DOCK3: variants seen among roughly 807,000 people sequenced by gnomAD.
DOCK3 encodes dedicator of cytokinesis protein 3.
A neutral mutation model predicts 265.6 loss-of-function variants in DOCK3; 60 were observed. That is an observed-to-expected ratio of 0.23 (90% CI 0.18 to 0.28). The LOEUF (loss-of-function observed/expected upper bound fraction) is 0.28. Ranked by LOEUF, DOCK3 falls within the 10% of genes least tolerant of loss-of-function variation. The pLI, the probability that DOCK3 is intolerant of heterozygous loss-of-function variation, is 1.00. For missense variants in DOCK3, 1,981 were observed against 2,594.3 expected (o/e 0.76, Z 5.14); for synonymous variants, 881 against 938.0 (o/e 0.94, Z 1.11).
At position 50,800,267 on chromosome 3, in the gene DOCK3, A is replaced by G. The variant is rs114930973; in HGVS notation, c.121+21509A>G. Among the ~76,000 whole-genome samples the G allele has an allele frequency of 5.6e-3, 848 of 152,312 alleles. 8 individuals are homozygous for G. Among genetic ancestry groups the G allele is most frequent in the South Asian group, 0.036 (176 of 4,832 alleles). ...TTGAAGTAGTTTGAGAAGACTTGGT[A>G]TTAATTCTTCTTTAAAAGAATGATA... On this transcript the variant is annotated intron_variant, in intron 2 of 52. Coordinates refer to ENST00000266037, the MANE Select transcript of DOCK3 (RefSeq NM_004947.5).
chr3:50,790,963 T>C (rs944346286), intron 2 of DOCK3, among the ~76,000 whole-genome samples: 3 of 152,180 alleles, frequency 2.0e-5, no homozygotes, highest in Non-Finnish European at 4.4e-5. Context: ...TAATGTTTTT[T>C]TTTGTTGTTG....
At chr3:51,290,747 A>G (rs2081702481) in intron 27 of DOCK3, among the ~76,000 whole-genome samples, 1 of 152,170 alleles carries the variant, frequency 6.6e-6, no homozygotes, top group South Asian at 2.1e-4. Context: ...GGGTAGCTAT[A>G]CTATTTCAGA....
intron 5 of DOCK3, among the ~76,000 whole-genome samples, chr3:51,036,561 T>A (rs573988418): frequency 6.6e-6 from 1 of 152,200 alleles, no homozygotes; most frequent in South Asian, 2.1e-4. Context: ...AGGTTTAATA[T>A]GTCTTAAAGA....
chr3:50,977,703 T>C (rs1268306009), intron 5 of DOCK3, among the ~76,000 whole-genome samples: 3 of 152,212 alleles, frequency 2.0e-5, no homozygotes, highest in Admixed American at 6.5e-5. Flanking sequence ...CTTGCTAGAT[T>C]GGGGAAGTTC....
intron 9 of DOCK3, among the ~76,000 whole-genome samples, chr3:51,129,956 A>C (rs547096892): frequency 1.3e-5 from 2 of 152,272 alleles, no homozygotes; most frequent in African/African-American, 4.8e-5. Flanking sequence ...AACACACCCA[A>C]ATGAGGAATA....
At chr3:50,991,658 A>G (rs2078109147) in intron 5 of DOCK3, among the ~76,000 whole-genome samples, 1 of 152,212 alleles carries the variant, frequency 6.6e-6, no homozygotes, top group Non-Finnish European at 1.5e-5. Context: ...TCAACACTCC[A>G]CTGACAGTAT....
chr3:51,093,154 C>T (rs1016137408), intron 9 of DOCK3, among the ~76,000 whole-genome samples: 2 of 152,138 alleles, frequency 1.3e-5, no homozygotes, highest in Non-Finnish European at 2.9e-5. Context: ...ATTGTCTTGG[C>T]TATGCAGGCT....
intron 3 of DOCK3, among the ~76,000 whole-genome samples, chr3:50,888,643 G>C (rs1010976886): frequency 1.4e-4 from 21 of 152,266 alleles, no homozygotes; most frequent in Non-Finnish European, 2.5e-4. Flanking sequence ...AAACAGCATG[G>C]TACTGGTACC....
At chr3:50,981,803 C>CT (rs1273335337) in intron 5 of DOCK3, among the ~76,000 whole-genome samples, 9 of 152,098 alleles carry the variant, frequency 5.9e-5, no homozygotes, top group Non-Finnish European at 1.0e-4. Flanking sequence ...CATGAAGTAT[C>CT]TTTTTTCATC....
chr3:51,281,652 C>T (rs1431936631), intron 27 of DOCK3, among the ~76,000 whole-genome samples: 1 of 152,100 alleles, frequency 6.6e-6, no homozygotes, highest in African/African-American at 2.4e-5. Context: ...TGGAGACTCT[C>T]CTCCTACAGA....
chr3:51,321,046 T>C (rs910466898), intron 32 of DOCK3, among the ~76,000 whole-genome samples: 4 of 152,158 alleles, frequency 2.6e-5, no homozygotes, highest in Non-Finnish European at 5.9e-5. Context: ...CATCTCTCAG[T>C]AGGGGCCAAC....
At chr3:51,261,297 T>C (rs1560305672) in intron 23 of DOCK3, among the ~76,000 whole-genome samples, 1 of 151,958 alleles carries the variant, frequency 6.6e-6, no homozygotes, top group Non-Finnish European at 1.5e-5. Flanking sequence ...TCGCCTCACC[T>C]TGGAAGTACA....
At chr3:50,849,850 G>A (rs991335084) in intron 3 of DOCK3, among the ~76,000 whole-genome samples, 6 of 152,060 alleles carry the variant, frequency 3.9e-5, no homozygotes, top group Admixed American at 6.5e-5. Context: ...TTGGGAGTCC[G>A]AGGTGGTGGG....
chr3:50,834,116 GGA>G (rs940015249), intron 2 of DOCK3, among the ~76,000 whole-genome samples: 1 of 151,700 alleles, frequency 6.6e-6, no homozygotes, highest in African/African-American at 2.4e-5. Flanking sequence ...CAGCTCTCCA[GGA>G]GAGTCCTGAA....
rs146074178 is a variant in DOCK3 at position 51,063,033 on chromosome 3, A to T, written c.316-1415A>T. ...GATTAAAGAAAGGAGAAGTTAGAGT[A>T]TATGATTCCTAACATCTTCTAGTTA... On this transcript the variant is annotated intron_variant, in intron 5 of 52. Coordinates refer to ENST00000266037, the MANE Select transcript of DOCK3 (RefSeq NM_004947.5). 4.6e-5 allele frequency among the ~76,000 whole-genome samples: 7 copies of T among 152,332 alleles called. No homozygotes were observed. The East Asian group carries it at 1.3e-3, about 29-fold the overall frequency.
chr3:50,946,894 A>G (rs1381937952), intron 5 of DOCK3, among the ~76,000 whole-genome samples: 1 of 152,208 alleles, frequency 6.6e-6, no homozygotes, highest in Non-Finnish European at 1.5e-5. Context: ...GGATGTCAGG[A>G]TGCAACGATG....
chr3:50,838,969 G>T (rs1420725930), intron 2 of DOCK3, among the ~76,000 whole-genome samples: 1 of 152,200 alleles, frequency 6.6e-6, no homozygotes, highest in Non-Finnish European at 1.5e-5. Flanking sequence ...CCTGATAATG[G>T]TGGCCTCCCT....
At chr3:50,798,517 C>T (rs1462264202) in intron 2 of DOCK3, among the ~76,000 whole-genome samples, 4 of 152,124 alleles carry the variant, frequency 2.6e-5, no homozygotes, top group Admixed American at 2.0e-4. Flanking sequence ...GGAAGCAGAT[C>T]AGATATTAGG....
intron 9 of DOCK3, among the ~76,000 whole-genome samples, chr3:51,113,329 A>G (rs1248145263): frequency 6.6e-6 from 1 of 152,126 alleles, no homozygotes; most frequent in African/African-American, 2.4e-5. Flanking sequence ...GGTTATTAAA[A>G]CATTGAACAT....
Sources: gnomAD v4.1 joint callset for allele counts (sites outside exome capture counted in the v4.1 genomes callset) on GRCh38, gnomAD v4.1.1 for gene constraint, MANE v1.5 for transcripts, NCBI Gene and HGNC (gene_info 2026-07-23, HGNC 2026-07-21) for gene names.